The following DHRS7B variants were observed in gnomAD, a reference collection of about 807,000 sequenced individuals.
DHRS7B encodes the protein peroxisomal reductase activating PPAR-gamma.
DHRS7B carries 24 observed loss-of-function variants against 26.4 expected under a neutral mutation model. The observed-to-expected ratio is 0.91, with a 90% CI of 0.66 to 1.28. The LOEUF is 1.28. Among genes scored for constraint, DHRS7B ranks in the 50% most tolerant of loss-of-function variants. DHRS7B has a pLI of 0.00. For missense variants in DHRS7B, 368 were observed against 419.4 expected (o/e 0.88, Z 1.07); for synonymous variants, 142 against 166.4 (o/e 0.85, Z 1.13).
At chr17:21,169,919 A>G (rs1192663589) in intron 1 of DHRS7B, among the ~76,000 whole-genome samples, 1 of 151,978 alleles carries the variant, frequency 6.6e-6, no homozygotes, top group East Asian at 1.9e-4. Flanking sequence ...GCCCTGGGCC[A>G]TTCTGGACAA....
chr17:21,157,163 A>G (rs1449012123), intron 1 of DHRS7B, among the ~76,000 whole-genome samples: 3 of 151,498 alleles, frequency 2.0e-5, no homozygotes, highest in Non-Finnish European at 3.0e-5. Context: ...CCAATTCTCT[A>G]CAATCTCTCC....
At position 21,138,097 on chromosome 17, in the gene DHRS7B, T is replaced by TACACACACACACACAC. The variant is rs1342290821; in HGVS notation, c.20+11107_20+11108insCACACACACACACACA. Among the ~76,000 whole-genome samples the TACACACACACACACAC allele has an allele frequency of 2.1e-3, 182 of 87,542 alleles. 1 individual carries two copies. The highest frequency in any genetic ancestry group is 5.4e-3 in the Admixed American group (40 of 7,402). The allele number at this position is 87,542 out of a possible 152,430, so 57.4% of individuals were successfully genotyped here. The stretch of plus-strand genomic sequence containing the variant: ...AAAAATATATATATATATATATATA[T>TACACACACACACACAC]ATATACACACACACACACACACACA... On this transcript the variant is annotated intron_variant, in intron 1 of 6. Transcript: ENST00000395511.
chr17:21,158,882 CATAA>C (rs906767967), intron 1 of DHRS7B, among the ~76,000 whole-genome samples: 8 of 150,460 alleles, frequency 5.3e-5, no homozygotes, highest in African/African-American at 2.0e-4. Flanking sequence ...AATAGACTCA[CATAA>C]ATAGAGCCAA....
chr17:21,131,214 C>A (rs1228304678), intron 1 of DHRS7B, among the ~76,000 whole-genome samples: 1 of 152,236 alleles, frequency 6.6e-6, no homozygotes, highest in East Asian at 1.9e-4. Context: ...AGAATGGCTA[C>A]TCCATAGGCA....
chr17:21,145,286 T>C (rs1002624019), intron 1 of DHRS7B, among the ~76,000 whole-genome samples: 1 of 151,642 alleles, frequency 6.6e-6, no homozygotes, highest in East Asian at 1.9e-4. Flanking sequence ...ATCGCGCCAC[T>C]GCATTCCAGC....
chr17:21,171,055 G>A (rs545127524), intron 1 of DHRS7B, among the ~76,000 whole-genome samples: 2 of 152,036 alleles, frequency 1.3e-5, no homozygotes, highest in Non-Finnish European at 2.9e-5. Flanking sequence ...ACTCGGGGGG[G>A]GCCTTTTGTC....
At chr17:21,134,353 GA>G in intron 1 of DHRS7B, among the ~76,000 whole-genome samples, 1 of 152,224 alleles carries the variant, frequency 6.6e-6, no homozygotes, top group East Asian at 1.9e-4. Context: ...TCTCAGATAA[GA>G]CTTTCTAAAG....
chr17:21,174,855 G>A (rs12948148), intron 2 of DHRS7B, among the ~76,000 whole-genome samples: 48,099 of 152,076 alleles, frequency 0.32, 7,703 homozygotes, highest in Middle Eastern at 0.38. Flanking sequence ...CAGGAATGCT[G>A]GCATCTGGCT....
chr17:21,138,087 T>A (rs1371571870), intron 1 of DHRS7B, among the ~76,000 whole-genome samples: 6 of 62,950 alleles, frequency 9.5e-5, no homozygotes, highest in African/African-American at 2.7e-4. Context: ...TATATATATA[T>A]ATATATATAT....
Position 21,191,370 on chromosome 17 carries a change from TG to T in DHRS7B, c.*219del. The T allele has an allele frequency of 3.5e-6, 2 of 574,360 alleles. No homozygotes were observed. The highest frequency in any genetic ancestry group is 6.2e-6 in the Non-Finnish European group (2 of 323,776). 35.6% of individuals were successfully genotyped at this position (574,360 alleles called of 1,614,324 possible). ...AGGGGAAACACTTAAGGAATAAATATGGAGCTGGGGTTTAACACTAAAAACT... is the reference window on the plus strand; with the variant it reads ...AGGGGAAACACTTAAGGAATAAATATGAGCTGGGGTTTAACACTAAAAACT... On this transcript the variant is annotated 3_prime_UTR_variant, in exon 7 of 7. Transcript: ENST00000395511.
At chr17:21,188,065 T>C (rs1013611983) in intron 5 of DHRS7B, among the ~76,000 whole-genome samples, 2 of 152,064 alleles carry the variant, frequency 1.3e-5, no homozygotes, top group Non-Finnish European at 2.9e-5. Context: ...TTAGCTAGGA[T>C]GGTCTCGATC....
chr17:21,137,003 C>A (rs1182949293), intron 1 of DHRS7B, among the ~76,000 whole-genome samples: 1 of 148,662 alleles, frequency 6.7e-6, no homozygotes, highest in Non-Finnish European at 1.5e-5. Context: ...CAGAGTCTCA[C>A]TCTGTCACCC....
At chr17:21,150,492 C>G (rs1973746762) in intron 1 of DHRS7B, among the ~76,000 whole-genome samples, 1 of 152,130 alleles carries the variant, frequency 6.6e-6, no homozygotes, top group East Asian at 1.9e-4. Context: ...TGGTGCATGC[C>G]TGTAATCCCA....
Position 21,150,119 on chromosome 17 carries a change from A to AAAC in DHRS7B, c.21-21897_21-21896insCAA, listed in dbSNP as rs748120411. 5.8e-3 allele frequency among the ~76,000 whole-genome samples: 691 copies of AAAC among 118,848 alleles called. 4 individuals carry two copies. Among genetic ancestry groups the AAAC allele is most frequent in the Non-Finnish European group, 9.7e-3 (508 of 52,298 alleles). 78.0% of individuals were successfully genotyped at this position (118,848 alleles called of 152,430 possible). On this transcript the variant is annotated intron_variant, in intron 1 of 6. Coordinates refer to ENST00000395511, the MANE Select transcript of DHRS7B (RefSeq NM_015510.5). ...CCATCTCTATTTAAAAAAAAAAAAA[A>AAAC]AAAAAAAAAAAAACTAAGGCATAGA...
chr17:21,170,655 ATGC>A (rs1974219363), intron 1 of DHRS7B, among the ~76,000 whole-genome samples: 1 of 152,174 alleles, frequency 6.6e-6, no homozygotes, highest in Admixed American at 6.5e-5. Flanking sequence ...GAAAAAGTAA[ATGC>A]TAATCTAGTT....
chr17:21,138,512 C>T (rs940284497), intron 1 of DHRS7B, among the ~76,000 whole-genome samples: 49 of 151,972 alleles, frequency 3.2e-4, no homozygotes, highest in East Asian at 1.5e-3. Context: ...TGTGAGCCAC[C>T]GCGCCTGGCA....
In DHRS7B at chr17:21,150,117, A is replaced by ACAAAAC. The variant is rs756807181; in HGVS notation, c.21-21901_21-21900insCAAAAC. On this transcript the variant is annotated intron_variant, in intron 1 of 6. Coordinates refer to ENST00000395511, the MANE Select transcript of DHRS7B (RefSeq NM_015510.5). ...CTCCATCTCTATTTAAAAAAAAAAA[A>ACAAAAC]AAAAAAAAAAAAAAACTAAGGCATA... Among the ~76,000 whole-genome samples the ACAAAAC allele has an allele frequency of 8.0e-3, 1,137 of 141,852 alleles. 21 individuals are homozygous for ACAAAAC. Among genetic ancestry groups the ACAAAAC allele is most frequent in the South Asian group, 0.012 (56 of 4,490 alleles). The allele number at this position is 141,852 out of a possible 152,430, so 93.1% of individuals were successfully genotyped here.
chr17:21,165,334 A>T (rs939351406), intron 1 of DHRS7B, among the ~76,000 whole-genome samples: 3 of 151,620 alleles, frequency 2.0e-5, no homozygotes, highest in African/African-American at 7.3e-5. Context: ...TGGTAACACT[A>T]TATTCACTTT....
intron 3 of DHRS7B, 150 bp downstream of exon 3, chr17:21,178,492 C>G: frequency 1.6e-6 from 1 of 643,056 alleles, no homozygotes; most frequent in South Asian, 1.9e-5. Context: ...CCATAGCGAA[C>G]CGGGCCCACT....
Sources: allele counts gnomAD v4.1 joint callset (sites outside exome capture counted in the v4.1 genomes callset), GRCh38; gene constraint gnomAD v4.1.1; transcripts MANE v1.5; gene names NCBI Gene and HGNC (gene_info 2026-07-23, HGNC 2026-07-21).